The following SYNPO2 variants were observed in gnomAD, a reference collection of about 807,000 sequenced individuals.
SYNPO2 encodes the protein synaptopodin 2, also known as synaptopodin-2.
Under a neutral mutation model 85.0 loss-of-function variants are expected in SYNPO2, and 56 were observed. That is an observed-to-expected ratio of 0.66 (90% CI 0.53 to 0.82). The LOEUF (loss-of-function observed/expected upper bound fraction) is 0.82, where lower values mean the gene tolerates loss of function less well. Among genes scored for constraint, SYNPO2 ranks in the 40% least tolerant of loss-of-function variants. SYNPO2 has a pLI of 0.00. For missense variants in SYNPO2, 1,575 were observed against 1,534.2 expected, an observed-to-expected ratio of 1.03 and a Z score of -0.44; for synonymous variants, 602 against 591.1, an observed-to-expected ratio of 1.02 and a Z score of -0.27.
chr4:118,880,161 A>G (rs1732054531), intron 1 of SYNPO2, among the ~76,000 whole-genome samples: 1 of 152,222 alleles, frequency 6.6e-6, no homozygotes, highest in Non-Finnish European at 1.5e-5. Flanking sequence ...CTTGCTCGGA[A>G]TAAGAAGAAG....
At chr4:119,007,253 C>CATATATAT (rs59327133) in intron 1 of SYNPO2, among the ~76,000 whole-genome samples, 10 of 38,128 alleles carry the variant, frequency 2.6e-4, no homozygotes, top group South Asian at 1.1e-3. Context: ...TATGTATATA[C>CATATATAT]ATATATATAT....
At chr4:119,020,395 A>G (rs1578648918) in intron 1 of SYNPO2, among the ~76,000 whole-genome samples, 1 of 152,214 alleles carries the variant, frequency 6.6e-6, no homozygotes, top group African/African-American at 2.4e-5. Context: ...TAAGAGCTCC[A>G]ACTTGACAAG....
intron 1 of SYNPO2, among the ~76,000 whole-genome samples, chr4:118,865,800 T>C (rs1462091432): frequency 1.3e-5 from 2 of 152,198 alleles, no homozygotes; most frequent in African/African-American, 4.8e-5. Flanking sequence ...ATTTCCTTAA[T>C]AAAGAAGAGA....
chr4:118,882,876 T>G (rs1311117552), intron 1 of SYNPO2, among the ~76,000 whole-genome samples: 2 of 152,018 alleles, frequency 1.3e-5, no homozygotes, highest in Non-Finnish European at 2.9e-5. Flanking sequence ...TTCATGCCAT[T>G]CTCCTGCCTC....
At chr4:119,037,247 A>G in intron 4 of SYNPO2, 2 of 1,488,086 alleles carry the variant, frequency 1.3e-6, no homozygotes, top group South Asian at 2.8e-5. Flanking sequence ...TCCTGCTTTC[A>G]CATCTCCTAT....
At chr4:118,904,558 T>G (rs1732870337) in intron 1 of SYNPO2, among the ~76,000 whole-genome samples, 1 of 152,240 alleles carries the variant, frequency 6.6e-6, no homozygotes, top group East Asian at 1.9e-4. Flanking sequence ...TATAGGACAC[T>G]GATCTCTGAA....
rs770089887 is a variant in SYNPO2, at chr4:118,993,558, G to A, written c.106-29872G>A. On this transcript the variant is annotated intron_variant, in intron 1 of 4. Coordinates refer to ENST00000307142, the MANE Select transcript of SYNPO2 (RefSeq NM_133477.3). The stretch of plus-strand genomic sequence containing the variant: ...GATTTGTCCTTGTGTGTAAGCCACA[G>A]CAATGTCCCTCCTTCCTTCTCCACT... Among the ~76,000 whole-genome samples, 17 of 152,278 alleles carry A rather than the reference G, an allele frequency of 1.1e-4. No homozygotes were observed. In the South Asian group the frequency reaches 3.1e-3, roughly 28 times the overall value.
chr4:118,867,781 T>G (rs181643690), intron 1 of SYNPO2, among the ~76,000 whole-genome samples: 193 of 152,268 alleles, frequency 1.3e-3, no homozygotes, highest in Middle Eastern at 3.4e-3. Flanking sequence ...AACACTATTC[T>G]TAGTAGAAAG....
chr4:119,032,920 A>G, intron 4 of SYNPO2: 1 of 956,832 alleles, frequency 1.0e-6, no homozygotes, highest in Non-Finnish European at 1.2e-6. Context: ...ATTATCTTTA[A>G]AGGTTGATTC....
chr4:118,879,293 T>G (rs554041967), intron 1 of SYNPO2, among the ~76,000 whole-genome samples: 3 of 152,292 alleles, frequency 2.0e-5, no homozygotes, highest in East Asian at 3.9e-4. Context: ...GAAGTGCCAA[T>G]TCAGAGAGGG....
intron 4 of SYNPO2, among the ~76,000 whole-genome samples, chr4:119,050,593 C>A (rs1302986048): frequency 6.6e-6 from 1 of 152,128 alleles, no homozygotes; most frequent in Non-Finnish European, 1.5e-5. Flanking sequence ...GCCCCCACTG[C>A]CTGGCATACA....
chr4:119,037,269 C>T, intron 4 of SYNPO2: 1 of 1,436,610 alleles, frequency 7.0e-7, no homozygotes, highest in Non-Finnish European at 9.2e-7. Context: ...TCTTGGGCTC[C>T]TTAATAACTA....
At chr4:118,970,695 G>C (rs1449471667) in intron 1 of SYNPO2, among the ~76,000 whole-genome samples, 1 of 152,200 alleles carries the variant, frequency 6.6e-6, no homozygotes, top group Non-Finnish European at 1.5e-5. Flanking sequence ...TGCCAAAATA[G>C]AGAAAGCTAC....
At position 119,026,867 on chromosome 4, in the gene SYNPO2, G is replaced by C. The variant is rs542980877; in HGVS notation, c.498G>C (p.Arg166Ser). Residue 166 changes from arginine to serine, a missense_variant, in exon 3 of 5, where the codon AGG (arginine) becomes AGC (serine). Physicochemically the swap from Arg to Ser is moderately radical, Grantham distance 110. Transcript: ENST00000307142. ...LKEETGPSYQ[R>S]APQMPDSQRG... Reference sequence around the variant, plus strand: ...AAGAAACAGGCCCGAGCTACCAAAGGGCTCCCCAAATGCCTGACTCCCAAA... The same window carrying C: ...AAGAAACAGGCCCGAGCTACCAAAGCGCTCCCCAAATGCCTGACTCCCAAA... 1.2e-6 allele frequency: 2 copies of C among 1,614,042 alleles called. No homozygotes were observed. Among genetic ancestry groups the C allele is most frequent in the South Asian group, 1.1e-5 (1 of 91,068 alleles).
At chr4:119,054,264 CCGTCCACAGA>C (rs945261516) in intron 4 of SYNPO2, among the ~76,000 whole-genome samples, 2 of 152,202 alleles carry the variant, frequency 1.3e-5, no homozygotes, top group African/African-American at 4.8e-5. Context: ...CTTAGTTCTG[CCGTCCACAGA>C]CGGTGGTTTG....
At chr4:118,998,827 C>A (rs908664846) in intron 1 of SYNPO2, among the ~76,000 whole-genome samples, 7 of 152,152 alleles carry the variant, frequency 4.6e-5, no homozygotes, top group African/African-American at 1.4e-4. Flanking sequence ...GAGATTAACT[C>A]TTCTTCCTCT....
intron 1 of SYNPO2, among the ~76,000 whole-genome samples, chr4:118,910,400 G>A (rs569484212): frequency 1.3e-5 from 2 of 152,304 alleles, no homozygotes; most frequent in East Asian, 1.9e-4. Flanking sequence ...TCTGAAGGAG[G>A]TGCGTTGCAC....
At chr4:118,935,739 T>C (rs1734078927) in intron 1 of SYNPO2, among the ~76,000 whole-genome samples, 1 of 152,270 alleles carries the variant, frequency 6.6e-6, no homozygotes, top group Non-Finnish European at 1.5e-5. Flanking sequence ...CATAAACAGT[T>C]GATTAACACA....
intron 1 of SYNPO2, among the ~76,000 whole-genome samples, chr4:119,017,607 T>A (rs1737572387): frequency 6.6e-6 from 1 of 152,174 alleles, no homozygotes; most frequent in Non-Finnish European, 1.5e-5. Context: ...TCTCTCATCC[T>A]CTCTTAGTTA....
Sources: allele counts gnomAD v4.1 joint callset (sites outside exome capture counted in the v4.1 genomes callset), GRCh38; gene constraint gnomAD v4.1.1; transcripts MANE v1.5; gene names NCBI Gene and HGNC (gene_info 2026-07-23, HGNC 2026-07-21).